Variants in COPS7A observed in about 807,000 individuals in gnomAD.
COPS7A encodes COP9 signalosome complex subunit 7a.
COPS7A carries 20 observed loss-of-function variants against 35.2 expected under a neutral mutation model. That is an observed-to-expected ratio of 0.57 (90% CI 0.40 to 0.83). The LOEUF is 0.83. COPS7A is among the 40% of genes least tolerant of loss of function. The pLI, the probability that COPS7A is intolerant of heterozygous loss-of-function variation, is 0.00. For synonymous variants in COPS7A, 139 were observed against 141.4 expected (o/e 0.98, Z 0.12); for missense variants, 247 against 347.5 (o/e 0.71, Z 2.30).
rs1297574495 is a variant in COPS7A at position 6,729,925 on chromosome 12, C to G, written c.530+476C>G. On this transcript the variant is annotated intron_variant, in intron 5 of 7. Transcript: ENST00000543155. This position sits in a 1 kb window ranked among gnomAD's most constrained non-coding sequence, Gnocchi z 4.2. ...TCTTGCTCATCACTCCAGGCGCTTC[C>G]TTATCCCTCTCTGACCACACCGAGT... Among the ~76,000 whole-genome samples, 1 of 152,164 alleles carries G rather than the reference C, an allele frequency of 6.6e-6. No homozygotes were observed. Among genetic ancestry groups the G allele is most frequent in the African/African-American group, 2.4e-5 (1 of 41,424 alleles).
intron 4 of COPS7A, chr12:6,728,990 T>G: frequency 2.1e-6 from 1 of 483,640 alleles, no homozygotes; most frequent in Non-Finnish European, 3.8e-6. Flanking sequence ...CATTTTCTCC[T>G]TCTGTGGTGT....
At position 6,729,111 on chromosome 12, in the gene COPS7A, C is replaced by A. The variant is rs192813723; in HGVS notation, c.328-136C>A. 3.6e-5 allele frequency: 27 copies of A among 760,238 alleles called. No homozygotes were observed. The East Asian group carries it at 6.4e-4, about 18-fold the overall frequency. The allele number at this position is 760,238 out of a possible 1,614,324, so 47.1% of individuals were successfully genotyped here. A position where few individuals can be genotyped will look rare whatever the true frequency, so the allele number is the denominator to read the frequency against. On this transcript the variant is annotated intron_variant, in intron 4 of 7. Coordinates refer to ENST00000543155, the MANE Select transcript of COPS7A (RefSeq NM_001164094.2). This position sits in a 1 kb window ranked among gnomAD's most constrained non-coding sequence, Gnocchi z 4.2. ...TTTATTTATTTTGCTTTAGAACCAG[C>A]CTCTTAGAGGAAGTGATTTAGGAAT...
Position 6,731,238 on chromosome 12 carries a change from T to G in COPS7A, c.*199T>G. ...AGGTCATGTTTTTGTTGGTACTTTC[T>G]GTTTTTTGTGACTTCATGTGTTCCA... On this transcript the variant is annotated 3_prime_UTR_variant, in exon 8 of 8. Coordinates refer to ENST00000543155, the MANE Select transcript of COPS7A (RefSeq NM_001164094.2). 3 of 1,465,902 alleles carry G rather than the reference T, an allele frequency of 2.0e-6. No individual in the cohort carries two copies. Among genetic ancestry groups the G allele is most frequent in the South Asian group, 1.4e-5 (1 of 73,088 alleles). The allele number at this position is 1,465,902 out of a possible 1,614,324, so 90.8% of individuals were successfully genotyped here. A position where few individuals can be genotyped will look rare whatever the true frequency, so the allele number is the denominator to read the frequency against.
intron 7 of COPS7A, 58 bp from the exon 8 acceptor site, chr12:6,730,942 G>T (rs1941377988): frequency 6.3e-7 from 1 of 1,591,362 alleles, no homozygotes; most frequent in Non-Finnish European, 8.6e-7. Context: ...GCCTCCAGGG[G>T]TTAGGGGATT....
Position 6,725,425 on chromosome 12 carries a change from G to A in COPS7A, c.162+607G>A, listed in dbSNP as rs148996346. Reference sequence around the variant, plus strand: ...GCCCGCCTTGACCTCCCAAGGTGCTGGGATTACAGGCTTGAGCCACCGCAC... The same window carrying A: ...GCCCGCCTTGACCTCCCAAGGTGCTAGGATTACAGGCTTGAGCCACCGCAC... On this transcript the variant is annotated intron_variant, in intron 2 of 7. Coordinates refer to ENST00000543155, the MANE Select transcript of COPS7A (RefSeq NM_001164094.2). 8.5e-5 allele frequency among the ~76,000 whole-genome samples: 13 copies of A among 152,192 alleles called. No homozygotes were observed. In the East Asian group the frequency reaches 2.5e-3, roughly 29 times the overall value.
At chr12:6,725,444 A>G (rs1456826918) in intron 2 of COPS7A, among the ~76,000 whole-genome samples, 2 of 152,146 alleles carry the variant, frequency 1.3e-5, no homozygotes, top group Non-Finnish European at 2.9e-5. Flanking sequence ...GGCTTGAGCC[A>G]CCGCACCTAG....
At chr12:6,728,901 C>T in intron 4 of COPS7A, 2 of 340,208 alleles carry the variant, frequency 5.9e-6, no homozygotes, top group South Asian at 2.7e-5. Flanking sequence ...CTGCTTACTC[C>T]CCTGTATCAA....
chr12:6,731,033 G>T lies in COPS7A; in HGVS notation c.822G>T (p.Ser274=). Residue 274 remains serine (S), a synonymous_variant, in exon 8 of 8, where the codon TCG becomes TCT. Transcript: ENST00000543155. ...LRGSAKIWSK[S]N is the part of the protein sequence containing the mutation. The stretch of plus-strand genomic sequence containing the variant: ...GGAGCGCCAAGATTTGGTCCAAGTC[G>T]AATTGAAAGGACTGTCGTTTCCTCC... The T allele has an allele frequency of 6.2e-7, 1 of 1,613,958 alleles. No individual in the cohort carries two copies. Among genetic ancestry groups the T allele is most frequent in the Non-Finnish European group, 8.5e-7 (1 of 1,179,976 alleles).
rs759283594 is a variant in COPS7A at position 6,724,602 on chromosome 12, C to T, written c.-43-12C>T. ...TCGGGGACCTCTAGCTTCACATCCT[C>T]TTTCCTTGCAGCTCTGGACATCCTG... On this transcript the variant is annotated splice_polypyrimidine_tract_variant and intron_variant, in intron 1 of 7. Coordinates refer to ENST00000543155, the MANE Select transcript of COPS7A (RefSeq NM_001164094.2). The T allele has an allele frequency of 1.9e-6, 3 of 1,610,876 alleles. No homozygotes were observed. Among genetic ancestry groups the T allele is most frequent in the African/African-American group, 1.3e-5 (1 of 74,876 alleles).
In COPS7A at chr12:6,724,822, G is replaced by T. The variant is rs1941210304; in HGVS notation, c.162+4G>T. 2 of 1,614,068 alleles carry T rather than the reference G, an allele frequency of 1.2e-6. No homozygotes were observed. Among genetic ancestry groups the T allele is most frequent in the Non-Finnish European group, 8.5e-7 (1 of 1,179,968 alleles). On this transcript the variant is annotated splice_donor_region_variant and intron_variant, in intron 2 of 7. Coordinates refer to ENST00000543155, the MANE Select transcript of COPS7A (RefSeq NM_001164094.2). ...GGACATGCCCAATGTTAGAGAGGTG[G>T]GTTGCTGGCTTGAATAGCCCTCAGA... is the stretch of plus-strand genomic sequence containing the variant.
chr12:6,726,613 AT>A (rs756428797), intron 2 of COPS7A, among the ~76,000 whole-genome samples: 9,011 of 139,918 alleles, frequency 0.064, 278 homozygotes, highest in Admixed American at 0.092. Context: ...AAAAAAAAAA[AT>A]AAATAAATAA....
intron 4 of COPS7A, 86 bp downstream of exon 4, chr12:6,728,397 C>G: frequency 8.6e-7 from 1 of 1,156,204 alleles, no homozygotes; most frequent in South Asian, 1.4e-5. Context: ...CTTGTCTAGA[C>G]CGTGGCTGCT....
chr12:6,725,371 A>G (rs912015171), intron 2 of COPS7A, among the ~76,000 whole-genome samples: 3 of 152,130 alleles, frequency 2.0e-5, no homozygotes, highest in South Asian at 2.1e-4. Context: ...GTTAGCCAGG[A>G]TGATCTCGAT....
Position 6,730,778 on chromosome 12 carries a change from C to T in COPS7A, c.746C>T (p.Thr249Ile), listed in dbSNP as rs373193931. The part of the protein sequence containing the change: ...LTELREPAPG[T>I]NQRQPSKKAS... ...GAGCTGAGGGAACCAGCTCCTGGCA[C>T]CAACCAGCGCCAGCCCAGCAAGAAA... Residue 249 changes from threonine (T) to isoleucine (I), a missense_variant, in exon 7 of 8, where the codon ACC becomes ATC. By Grantham distance (89) the Thr-to-Ile change is moderately conservative. Transcript: ENST00000543155. 6 of 1,614,086 alleles carry T rather than the reference C, an allele frequency of 3.7e-6. No individual in the cohort carries two copies. The highest frequency in any genetic ancestry group is 5.1e-6 in the Non-Finnish European group (6 of 1,180,030).
Position 6,729,799 on chromosome 12 carries a change from C to A in COPS7A, c.530+350C>A, listed in dbSNP as rs950199055. Among the ~76,000 whole-genome samples the A allele has an allele frequency of 1.3e-5, 2 of 152,166 alleles. No individual in the cohort carries two copies. Among genetic ancestry groups the A allele is most frequent in the African/African-American group, 4.8e-5 (2 of 41,446 alleles). On this transcript the variant is annotated intron_variant, in intron 5 of 7. Coordinates refer to ENST00000543155, the MANE Select transcript of COPS7A (RefSeq NM_001164094.2). The surrounding 1 kb of genome is among the most constrained non-coding windows in gnomAD (Gnocchi z 4.2). ...TGACCCTTTTCCTCTTTTTTATTTT[C>A]TTTGTGTCCCCATCTAACTTCAGGG... is the stretch of plus-strand genomic sequence containing the variant.
intron 2 of COPS7A, 28 bp from the exon 3 acceptor site, chr12:6,727,898 G>A (rs756074236): frequency 1.4e-5 from 23 of 1,611,914 alleles, no homozygotes; most frequent in East Asian, 8.9e-5. Flanking sequence ...AAGACTTCCC[G>A]TCACCTCCTT....
intron 2 of COPS7A, 143 bp downstream of exon 2, chr12:6,724,961 G>C: frequency 1.1e-6 from 1 of 871,474 alleles, no homozygotes; most frequent in East Asian, 2.6e-5. Flanking sequence ...ACTTGCAGAA[G>C]TAACCAGTGA....
At chr12:6,730,873 C>G (rs1195445825) in intron 7 of COPS7A, 53 bp downstream of exon 7, 1 of 1,605,652 alleles carries the variant, frequency 6.2e-7, no homozygotes, top group Non-Finnish European at 8.5e-7. Context: ...GCTTTTACCC[C>G]AGGGACCTCA....
At chr12:6,725,985 G>A (rs1941242811) in intron 2 of COPS7A, 1 of 446,996 alleles carries the variant, frequency 2.2e-6, no homozygotes, top group African/African-American at 2.0e-5. Flanking sequence ...GAGGGCAGGA[G>A]GTGAAACCGA....
Sources: gnomAD v4.1 joint callset for allele counts (sites outside exome capture counted in the v4.1 genomes callset) on GRCh38, gnomAD v4.1.1 for gene constraint, Gnocchi (gnomAD v3.1) non-coding constraint, MANE v1.5 for transcripts, NCBI Gene and HGNC (gene_info 2026-07-23, HGNC 2026-07-21) for gene names.